The following MUSK variants were observed in gnomAD, a reference collection of about 807,000 sequenced individuals.
MUSK encodes muscle, skeletal receptor tyrosine-protein kinase.
A neutral mutation model predicts 88.7 loss-of-function variants in MUSK; 55 were observed. The ratio of observed to expected loss-of-function variants is 0.62; its 90% confidence interval spans 0.50 to 0.78. The LOEUF (loss-of-function observed/expected upper bound fraction) is 0.78, where lower values mean the gene tolerates loss of function less well. Ranked by LOEUF, MUSK falls within the 30% of genes least tolerant of loss-of-function variation. The probability of loss-of-function intolerance (pLI) is 0.00; values close to 1 mark genes in which losing one functional copy is unlikely to be tolerated. For missense variants in MUSK, 1,015 were observed against 1,074.3 expected, an observed-to-expected ratio of 0.94 and a Z score of 0.77; for synonymous variants, 387 against 391.9, an observed-to-expected ratio of 0.99 and a Z score of 0.15.
rs139945437 is a variant in MUSK at position 110,767,961 on chromosome 9, G to A, written c.1062G>A (p.Thr354=). The A allele has an allele frequency of 4.7e-4, 762 of 1,613,874 alleles. 6 individuals carry two copies. In the African/African-American group the frequency reaches 8.4e-3, roughly 18 times the overall value. The change falls in exon 9 of 15, where the codon ACG becomes ACA. Residue 354 remains threonine, a synonymous_variant. Transcript: ENST00000374448. ...PEEAQELLVH[T]AWNELKVVSP... is the part of the protein sequence containing the mutation. ...AGGCCCAAGAGCTACTGGTCCACAC[G>A]GCCTGGAATGAACTGAAAGTAGTGA...
At chr9:110,712,126 A>T (rs1437266364) in intron 5 of MUSK, among the ~76,000 whole-genome samples, 6 of 149,754 alleles carry the variant, frequency 4.0e-5, no homozygotes, top group East Asian at 1.9e-4. Flanking sequence ...CTTGTGAATG[A>T]GTTAAATAAA....
Position 110,785,709 on chromosome 9 carries a change from T to C in MUSK, c.1769T>C (p.Phe590Ser), listed in dbSNP as rs1010626190. 1 of 1,600,482 alleles carries C rather than the reference T, an allele frequency of 6.2e-7. No homozygotes were observed. The highest frequency in any genetic ancestry group is 8.5e-7 in the Non-Finnish European group (1 of 1,172,308). ...DIGEGAFGRV[F>S]QARAPGLLPY... is the part of the protein sequence containing the mutation. ...GGAGAGGGAGCGTTTGGAAGGGTGTTTCAAGCAAGGTAAAGTTACCTATGG... is the reference window on the plus strand; with the variant it reads ...GGAGAGGGAGCGTTTGGAAGGGTGTCTCAAGCAAGGTAAAGTTACCTATGG... The change falls in exon 13 of 15, where the codon TTT (phenylalanine) becomes TCT (serine). Residue 590 changes from phenylalanine (F) to serine (S), a missense_variant. Physicochemically the swap from Phe to Ser is radical, Grantham distance 155. Transcript: ENST00000374448.
intron 14 of MUSK, among the ~76,000 whole-genome samples, chr9:110,788,384 C>T (rs1371669134): frequency 6.6e-6 from 1 of 151,838 alleles, no homozygotes; most frequent in East Asian, 1.9e-4. Flanking sequence ...ATAATCTCAG[C>T]ACTTTAGGAG....
intron 6 of MUSK, among the ~76,000 whole-genome samples, chr9:110,738,324 T>G (rs147075440): frequency 2.0e-5 from 3 of 152,184 alleles, no homozygotes; most frequent in Non-Finnish European, 4.4e-5. Flanking sequence ...TTATTATTAC[T>G]GTAACTCTGA....
chr9:110,736,555 T>C (rs1300939532), intron 6 of MUSK, among the ~76,000 whole-genome samples: 1 of 152,002 alleles, frequency 6.6e-6, no homozygotes, highest in East Asian at 1.9e-4. Flanking sequence ...GAGGCAGGCA[T>C]TGTGGATCCT....
rs2077648764 is a variant in MUSK at position 110,775,252 on chromosome 9, A to AC, written c.1185-536_1185-535insC. ...CCGTGCCTCAAAGTAAGGGCTGAGT[A>AC]AGGACCCAGATGCCCTCCTATAAGC... On this transcript the variant is annotated intron_variant, in intron 9 of 14. Transcript: ENST00000374448. The AC allele has an allele frequency of 3.1e-5, 5 of 159,692 alleles. No individual in the cohort carries two copies. In the South Asian group the frequency reaches 9.3e-4, roughly 30 times the overall value. 9.9% of individuals were successfully genotyped at this position (159,692 alleles called of 1,614,324 possible). A position where few individuals can be genotyped will look rare whatever the true frequency, so the allele number is the denominator to read the frequency against.
At chr9:110,694,138 C>T (rs919649855) in intron 3 of MUSK, among the ~76,000 whole-genome samples, 2 of 148,904 alleles carry the variant, frequency 1.3e-5, no homozygotes, top group Admixed American at 6.8e-5. Context: ...TTTGGGAGGC[C>T]GAGGCGGGCA....
intron 1 of MUSK, among the ~76,000 whole-genome samples, chr9:110,674,394 A>C (rs752781494): frequency 9.2e-5 from 14 of 152,158 alleles, no homozygotes; most frequent in Non-Finnish European, 1.6e-4. Flanking sequence ...GTATATAACA[A>C]TCACCTCTCA....
At chr9:110,750,435 A>G (rs1228744023) in intron 7 of MUSK, among the ~76,000 whole-genome samples, 1 of 151,276 alleles carries the variant, frequency 6.6e-6, no homozygotes, top group East Asian at 1.9e-4. Context: ...GGCCCAGGGG[A>G]CCTCCCTGGC....
At chr9:110,798,120 A>G (rs2078039225) in intron 14 of MUSK, among the ~76,000 whole-genome samples, 2 of 152,198 alleles carry the variant, frequency 1.3e-5, no homozygotes, top group South Asian at 4.1e-4. Flanking sequence ...AGCAGTAATC[A>G]TTCATGCAAG....
Position 110,783,154 on chromosome 9 carries a change from T to C in MUSK, c.1385-1661T>C, listed in dbSNP as rs142073877. ...TATTAATATGTCCCCTTCTATTAAA[T>C]CATTATTCTCTGACTATGATGTAGT... is the stretch of plus-strand genomic sequence containing the variant. On this transcript the variant is annotated intron_variant, in intron 11 of 14. Coordinates refer to ENST00000374448, the MANE Select transcript of MUSK (RefSeq NM_005592.4). Among the ~76,000 whole-genome samples, 111 of 152,350 alleles carry C rather than the reference T, an allele frequency of 7.3e-4. 1 individual carries two copies. The highest frequency in any genetic ancestry group is 2.5e-3 in the African/African-American group (104 of 41,592).
rs1357654216 is a variant in MUSK, at chr9:110,697,502, C to A, written c.628+36C>A. On this transcript the variant is annotated intron_variant, in intron 5 of 14. Transcript: ENST00000374448. ...GCATTTCTTCCCCTGACTGTGTGACCAGGGGCCTCACTGTCTACTGTGAAG... is the reference window on the plus strand; with the variant it reads ...GCATTTCTTCCCCTGACTGTGTGACAAGGGGCCTCACTGTCTACTGTGAAG... 3 of 1,593,028 alleles carry A rather than the reference C, an allele frequency of 1.9e-6. No individual in the cohort carries two copies. The South Asian group carries it at 3.5e-5, about 18-fold the overall frequency.
At chr9:110,682,248 A>T (rs2076143983) in intron 1 of MUSK, among the ~76,000 whole-genome samples, 1 of 152,058 alleles carries the variant, frequency 6.6e-6, no homozygotes, top group Non-Finnish European at 1.5e-5. Flanking sequence ...TTAGGGGAAA[A>T]TTGTTCTTAA....
At chr9:110,704,135 C>T (rs1385856575) in intron 5 of MUSK, among the ~76,000 whole-genome samples, 1 of 152,186 alleles carries the variant, frequency 6.6e-6, no homozygotes, top group Non-Finnish European at 1.5e-5. Context: ...AGATTTGTCT[C>T]AGCAATTTAA....
chr9:110,800,957 G>T lies in MUSK; in HGVS notation c.2579G>T (p.Cys860Phe), dbSNP rs748071334. Residue 860 changes from cysteine to phenylalanine, a missense_variant, in exon 15 of 15, where the codon TGT (cysteine) becomes TTT (phenylalanine). Cys to Phe is a radical substitution (Grantham distance 205). Coordinates refer to ENST00000374448, the MANE Select transcript of MUSK (RefSeq NM_005592.4). ...ATTCACCGAATTCTGGAACGCATGT[G>T]TGAGAGGGCAGAGGGAACTGTGAGT... ...TSIHRILERM[C>F]ERAEGTVSV The T allele has an allele frequency of 1.2e-5, 18 of 1,522,188 alleles. No homozygotes were observed. The highest frequency in any genetic ancestry group is 1.6e-5 in the Non-Finnish European group (18 of 1,137,156). 94.3% of individuals were successfully genotyped at this position (1,522,188 alleles called of 1,614,324 possible).
At chr9:110,669,484 C>T (rs907729351) in intron 1 of MUSK, among the ~76,000 whole-genome samples, 4 of 152,218 alleles carry the variant, frequency 2.6e-5, no homozygotes, top group Middle Eastern at 3.4e-3. Flanking sequence ...TACAGAAAGA[C>T]GTACACAATT....
intron 1 of MUSK, among the ~76,000 whole-genome samples, chr9:110,676,730 C>A (rs1026979721): frequency 1.3e-5 from 2 of 151,666 alleles, no homozygotes; most frequent in East Asian, 3.9e-4. Flanking sequence ...GACATAATCT[C>A]ATTCCTTTTT....
At chr9:110,712,159 G>GAAAA (rs35254603) in intron 5 of MUSK, among the ~76,000 whole-genome samples, 1 of 141,828 alleles carries the variant, frequency 7.1e-6, no homozygotes, top group Non-Finnish European at 1.5e-5. Flanking sequence ...TGTTTATTCT[G>GAAAA]AAAAAAAAAA....
chr9:110,689,175 A>C (rs925970506), intron 3 of MUSK, among the ~76,000 whole-genome samples: 1 of 72,928 alleles, frequency 1.4e-5, no homozygotes, highest in Non-Finnish European at 2.4e-5. Context: ...TAAACTATAT[A>C]TTTATATAAA....
Sources: gnomAD v4.1 joint callset for allele counts (sites outside exome capture counted in the v4.1 genomes callset) on GRCh38, gnomAD v4.1.1 for gene constraint, MANE v1.5 for transcripts, NCBI Gene and HGNC (gene_info 2026-07-23, HGNC 2026-07-21) for gene names.